GSTT4: variants seen among roughly 807,000 people sequenced by gnomAD.
GSTT4 encodes glutathione S-transferase theta 4, also known as glutathione S-transferase theta-4.
At chr22:23,990,742 T>G in the GSTT4 span, among the ~76,000 whole-genome samples, 2 of 98,854 alleles carry the variant, frequency 2.0e-5, no homozygotes, top group African/African-American at 3.3e-5. Context: ...CAGTTTGTTT[T>G]TTCCAAGCAC....
intron 2 of GSTT4, among the ~76,000 whole-genome samples, chr22:24,001,866 C>T (rs1449509220): frequency 5.2e-5 from 8 of 152,386 alleles, no homozygotes; most frequent in African/African-American, 1.9e-4. Context: ...TGGCACACAC[C>T]TGTAATCCCA....
At chr22:23,992,385 C>G in the GSTT4 span, among the ~76,000 whole-genome samples, 1 of 147,990 alleles carries the variant, frequency 6.8e-6, no homozygotes, top group African/African-American at 2.5e-5. Flanking sequence ...GGGCACCAAG[C>G]AAGGATGTGG....
At chr22:23,997,207 T>A (rs538265976), downstream of GSTT4, among the ~76,000 whole-genome samples, 4 of 152,022 alleles carry the variant, frequency 2.6e-5, no homozygotes, top group South Asian at 8.3e-4. Context: ...TCCATTTCAT[T>A]TTTTCATTTT....
chr22:23,993,148 AG>A, the GSTT4 span, among the ~76,000 whole-genome samples: 3 of 152,122 alleles, frequency 2.0e-5, no homozygotes, highest in Non-Finnish European at 4.4e-5. Context: ...CTCAAGAAAA[AG>A]CTCTTTTCTC....
intron 2 of GSTT4, among the ~76,000 whole-genome samples, chr22:24,002,455 C>A (rs943619362): frequency 1.4e-4 from 21 of 152,406 alleles, no homozygotes; most frequent in African/African-American, 5.0e-4. Context: ...CCAGCAGCAA[C>A]CATGCCAAGG....
the GSTT4 span, among the ~76,000 whole-genome samples, chr22:23,990,653 T>TAAATAAATAAATAAAC: frequency 2.1e-3 from 119 of 56,768 alleles, 2 homozygotes; most frequent in African/African-American, 5.6e-3. Flanking sequence ...AATAAATAAA[T>TAAATAAATAAATAAAC]AAACAAACAA....
chr22:24,003,671 A>AT (rs2034287088), intron 2 of GSTT4, 89 bp downstream of exon 2: 1 of 154,928 alleles, frequency 6.5e-6, no homozygotes, highest in South Asian at 2.0e-4. Context: ...CACGTGTGAG[A>AT]TTTTCCATGG....
chr22:24,000,572 T>C (rs1601574613), intron 3 of GSTT4, among the ~76,000 whole-genome samples: 3 of 133,738 alleles, frequency 2.2e-5, no homozygotes, highest in Admixed American at 2.1e-4. Context: ...TTGTTTTTGT[T>C]TTTTGAGATG....
downstream of GSTT4, among the ~76,000 whole-genome samples, chr22:23,994,308 G>GT (rs1217040089): frequency 6.6e-6 from 1 of 151,794 alleles, no homozygotes; most frequent in African/African-American, 2.4e-5. Flanking sequence ...CAATTCAGTG[G>GT]TTTTTAGTAT....
At chr22:23,995,927 ACC>A, downstream of GSTT4, among the ~76,000 whole-genome samples, 2 of 151,984 alleles carry the variant, frequency 1.3e-5, no homozygotes, top group Non-Finnish European at 2.9e-5. Context: ...TTAATCTTGT[ACC>A]CTGCAACCTT....
rs1412849250 is a variant in GSTT4 at position 23,998,445 on chromosome 22, T to G, written c.*97A>C. 3.8e-5 allele frequency: 1 copy of G among 26,172 alleles called. No homozygotes were observed. The highest frequency in any genetic ancestry group is 8.6e-5 in the Non-Finnish European group (1 of 11,570). The allele number at this position is 26,172 out of a possible 1,614,324, so 1.6% of individuals were successfully genotyped here. ...TTATTAGGCAAAGAACAGTTGTTTT[T>G]TTGTTTTTTTGTTTTTTTTTTTTTA... On this transcript the variant is annotated 3_prime_UTR_variant, in exon 5 of 5. Coordinates refer to ENST00000621179, the MANE Select transcript of GSTT4 (RefSeq NM_001358664.2).
At chr22:24,002,778 C>A (rs1050666299) in intron 2 of GSTT4, among the ~76,000 whole-genome samples, 12 of 41,642 alleles carry the variant, frequency 2.9e-4, no homozygotes, top group Non-Finnish European at 7.3e-4. Context: ...TTGCAGTGAG[C>A]CAAGATAGCG....
Position 24,001,264 on chromosome 22 carries a change from C to G in GSTT4, c.262G>C (p.Asp88His), listed in dbSNP as rs1211039948. 2 of 152,306 alleles carry G rather than the reference C, an allele frequency of 1.3e-5. No individual in the cohort carries two copies. The highest frequency in any genetic ancestry group is 4.9e-5 in the African/African-American group (2 of 41,224). The allele number at this position is 152,306 out of a possible 1,614,324, so 9.4% of individuals were successfully genotyped here. ...TCCACACGGGCACGTGCGTGCGGGT[C>G]TGGCGGGCACCAGTGCGATGGTGCG... The part of the protein sequence containing the change: ...YSAPSHWCPP[D>H]PHARARVDEF... Residue 88 changes from aspartate (D) to histidine (H), a missense_variant, in exon 3 of 5, where the codon GAC (aspartate) becomes CAC (histidine). Transcript: ENST00000621179.
At position 24,002,755 on chromosome 22, in the gene GSTT4, C is replaced by A. The variant is rs181940737; in HGVS notation, c.200+1005G>T. Reference sequence around the variant, plus strand: ...CTGAGGCAGGAGAATGGCGTGAACCCGGGAGGCGGAGCTTGCAGTGAGCCA... The same window carrying A: ...CTGAGGCAGGAGAATGGCGTGAACCAGGGAGGCGGAGCTTGCAGTGAGCCA... On this transcript the variant is annotated intron_variant, in intron 2 of 4. Coordinates refer to ENST00000621179, the MANE Select transcript of GSTT4 (RefSeq NM_001358664.2). 5.0e-5 allele frequency among the ~76,000 whole-genome samples: 3 copies of A among 59,978 alleles called. No homozygotes were observed. The East Asian group carries it at 1.1e-3, about 22-fold the overall frequency. The allele number at this position is 59,978 out of a possible 152,430, so 39.3% of individuals were successfully genotyped here. A position where few individuals can be genotyped will look rare whatever the true frequency, so the allele number is the denominator to read the frequency against.
chr22:23,997,169 G>C (rs1411011510), downstream of GSTT4, among the ~76,000 whole-genome samples: 1 of 151,838 alleles, frequency 6.6e-6, no homozygotes, highest in Non-Finnish European at 1.5e-5. Context: ...TGACCAATGT[G>C]ATGTCTCCAT....
At position 24,003,742 on chromosome 22, in the gene GSTT4, G is replaced by C. The variant is rs1458691818; in HGVS notation, c.200+18C>G. The C allele has an allele frequency of 6.4e-6, 1 of 155,392 alleles. No homozygotes were observed. The highest frequency in any genetic ancestry group is 6.5e-5 in the Admixed American group (1 of 15,298). The allele number at this position is 155,392 out of a possible 1,614,324, so 9.6% of individuals were successfully genotyped here. A position where few individuals can be genotyped will look rare whatever the true frequency, so the allele number is the denominator to read the frequency against. ...AGAAGCAGAGACAGATGGTGCAAGGGCCCCAGGGAAGACTTACCTTTCACT... is the reference window on the plus strand; with the variant it reads ...AGAAGCAGAGACAGATGGTGCAAGGCCCCCAGGGAAGACTTACCTTTCACT... On this transcript the variant is annotated intron_variant, in intron 2 of 4. Transcript: ENST00000621179.
chr22:23,993,889 C>T (rs1230133788), downstream of GSTT4, among the ~76,000 whole-genome samples: 5 of 150,080 alleles, frequency 3.3e-5, no homozygotes, highest in Non-Finnish European at 5.9e-5. Flanking sequence ...CGTCTCTCCT[C>T]AGGCCCCCAG....
chr22:23,994,369 A>G (rs2034096290), downstream of GSTT4, among the ~76,000 whole-genome samples: 1 of 151,908 alleles, frequency 6.6e-6, no homozygotes, highest in Non-Finnish European at 1.5e-5. Flanking sequence ...GATCATTTTC[A>G]TCACCCAAAA....
At position 24,005,337 on chromosome 22, in the gene GSTT4, A is replaced by G. The variant is rs187966172; in HGVS notation, c.20T>C (p.Met7Thr). The G allele has an allele frequency of 2.8e-3, 431 of 153,634 alleles. 1 individual carries two copies. The highest frequency in any genetic ancestry group is 4.8e-3 in the Non-Finnish European group (333 of 68,704). The allele number at this position is 153,634 out of a possible 1,614,324, so 9.5% of individuals were successfully genotyped here. MALELY[M>T]DLLSAPCRAV... ...ACGGCAGGGTGCTGACAGCAGGTCC[A>G]TGTAGAGCTCCAGTGCCATGTTGAG... The change falls in exon 1 of 5, where the codon ATG becomes ACG. Residue 7 changes from methionine (M) to threonine (T), a missense_variant. Physicochemically the swap from Met to Thr is moderately conservative, Grantham distance 81 (BLOSUM62 -1). Coordinates refer to ENST00000621179, the MANE Select transcript of GSTT4 (RefSeq NM_001358664.2).
Sources: gnomAD v4.1 joint callset for allele counts (sites outside exome capture counted in the v4.1 genomes callset) on GRCh38, gnomAD v4.1.1 for gene constraint, MANE v1.5 for transcripts, NCBI Gene and HGNC (gene_info 2026-07-23, HGNC 2026-07-21) for gene names.